The following LEKR1 variants were observed in gnomAD, a reference collection of about 807,000 sequenced individuals.
LEKR1 encodes the protein protein LEKR1.
A neutral mutation model predicts 72.4 loss-of-function variants in LEKR1; 59 were observed. The observed-to-expected ratio is 0.82, with a 90% CI of 0.66 to 1.01. LEKR1 has a LOEUF of 1.01. Ranked by LOEUF, LEKR1 falls within the 50% of genes least tolerant of loss-of-function variation. LEKR1 has a pLI of 0.00. For missense variants in LEKR1, 728 were observed against 759.2 expected, an observed-to-expected ratio of 0.96 and a Z score of 0.48; for synonymous variants, 257 against 263.2, an observed-to-expected ratio of 0.98 and a Z score of 0.23.
chr3:156,842,517 G>A (rs1714068280), intron 2 of LEKR1, among the ~76,000 whole-genome samples: 1 of 151,996 alleles, frequency 6.6e-6, no homozygotes, highest in African/African-American at 2.4e-5. Flanking sequence ...ATTTCTTTGT[G>A]TATTTTTGCT....
chr3:157,001,656 G>A (rs1576978135), intron 9 of LEKR1, among the ~76,000 whole-genome samples: 1 of 152,294 alleles, frequency 6.6e-6, no homozygotes, highest in Non-Finnish European at 1.5e-5. Context: ...TGAAATTGCA[G>A]GGTAGAATGT....
chr3:157,030,876 G>A (rs964062630), intron 12 of LEKR1, among the ~76,000 whole-genome samples: 1 of 152,180 alleles, frequency 6.6e-6, no homozygotes, highest in Non-Finnish European at 1.5e-5. Flanking sequence ...CCATAGAACA[G>A]CTCAGTGTGT....
chr3:156,944,796 AT>A (rs563373418), intron 6 of LEKR1, among the ~76,000 whole-genome samples: 21 of 151,514 alleles, frequency 1.4e-4, no homozygotes, highest in Admixed American at 1.2e-3. Context: ...TATTTACCCC[AT>A]TTTCTTTATG....
chr3:156,837,484 G>A (rs759799318), intron 2 of LEKR1, among the ~76,000 whole-genome samples: 6 of 152,278 alleles, frequency 3.9e-5, no homozygotes, highest in East Asian at 1.9e-4. Flanking sequence ...AGGAAATCTC[G>A]TCCAGTTTTT....
At chr3:156,910,420 TC>T (rs1300332027) in intron 3 of LEKR1, among the ~76,000 whole-genome samples, 1 of 152,192 alleles carries the variant, frequency 6.6e-6, no homozygotes. Flanking sequence ...GATAATGGTT[TC>T]CATAACAATA....
chr3:156,959,059 C>T (rs756832005), intron 6 of LEKR1, among the ~76,000 whole-genome samples: 50 of 152,048 alleles, frequency 3.3e-4, no homozygotes, highest in Non-Finnish European at 3.7e-4. Flanking sequence ...TGATAAGCAC[C>T]ATTCATAGCT....
At chr3:156,997,146 G>A (rs1259486956) in intron 9 of LEKR1, among the ~76,000 whole-genome samples, 3 of 151,690 alleles carry the variant, frequency 2.0e-5, no homozygotes, top group Admixed American at 1.3e-4. Flanking sequence ...GTCTTGAAAC[G>A]GTGGTCTTTT....
intron 3 of LEKR1, among the ~76,000 whole-genome samples, chr3:156,896,754 C>T (rs944072136): frequency 2.2e-4 from 33 of 152,082 alleles, no homozygotes; most frequent in African/African-American, 7.2e-4. Context: ...TGCATATGTC[C>T]ATTGCAGCAC....
At chr3:157,030,025 G>A (rs1012149395) in intron 12 of LEKR1, among the ~76,000 whole-genome samples, 2 of 152,146 alleles carry the variant, frequency 1.3e-5, no homozygotes, top group African/African-American at 2.4e-5. Flanking sequence ...AAAGAAAAGA[G>A]GTTTAGTTGG....
At chr3:157,007,942 G>T (rs573342812) in intron 9 of LEKR1, among the ~76,000 whole-genome samples, 1 of 152,326 alleles carries the variant, frequency 6.6e-6, no homozygotes, top group Non-Finnish European at 1.5e-5. Flanking sequence ...AAATTTAAGA[G>T]TTGTCAGCAG....
chr3:156,938,156 C>T (rs1011131507), intron 5 of LEKR1, among the ~76,000 whole-genome samples: 1 of 152,100 alleles, frequency 6.6e-6, no homozygotes, highest in Non-Finnish European at 1.5e-5. Flanking sequence ...CACACACACA[C>T]ACACACATGA....
intron 11 of LEKR1, 147 bp from the exon 12 acceptor site, chr3:157,027,956 A>G: frequency 2.1e-6 from 1 of 484,546 alleles, no homozygotes; most frequent in East Asian, 3.3e-5. Flanking sequence ...TAAAAAGAAA[A>G]TCTTGAAGGC....
intron 3 of LEKR1, among the ~76,000 whole-genome samples, chr3:156,899,757 CAT>C (rs1171035122): frequency 7.0e-5 from 9 of 128,796 alleles, no homozygotes; most frequent in Non-Finnish European, 1.0e-4. Context: ...CATATATACA[CAT>C]ATACATGCAT....
chr3:157,008,689 G>A lies in LEKR1; in HGVS notation c.1110-2724G>A, dbSNP rs116588078. Among the ~76,000 whole-genome samples, 663 of 152,266 alleles carry A rather than the reference G, an allele frequency of 4.4e-3. 2 individuals carry two copies. The highest frequency in any genetic ancestry group is 0.015 in the African/African-American group (637 of 41,554). On this transcript the variant is annotated intron_variant, in intron 9 of 12. Transcript: ENST00000356539. ...CCTACAGATAACTTCTATTGTGTCC[G>A]TGTTTCTCTCTATAATTTTACCAAG...
At chr3:156,947,956 C>T (rs1187497537) in intron 6 of LEKR1, among the ~76,000 whole-genome samples, 1 of 151,106 alleles carries the variant, frequency 6.6e-6, no homozygotes, top group South Asian at 2.1e-4. Flanking sequence ...AAGTTTTTCT[C>T]TCTCTACTCA....
intron 10 of LEKR1, among the ~76,000 whole-genome samples, chr3:157,017,871 C>G (rs996200382): frequency 7.4e-5 from 11 of 148,556 alleles, no homozygotes; most frequent in Non-Finnish European, 1.3e-4. Flanking sequence ...ATAGCGTGAA[C>G]CCAGGAGGCG....
intron 7 of LEKR1, among the ~76,000 whole-genome samples, chr3:156,980,568 GA>G (rs34222097): frequency 0.48 from 72,253 of 149,796 alleles, 18,379 homozygotes; most frequent in African/African-American, 0.66. Context: ...ATGGTTGCTA[GA>G]AAAAAAAAAA....
intron 3 of LEKR1, among the ~76,000 whole-genome samples, chr3:156,897,502 G>T (rs1295247563): frequency 6.6e-6 from 1 of 151,956 alleles, no homozygotes; most frequent in East Asian, 1.9e-4. Flanking sequence ...AAATACACTG[G>T]GTTGGTCCAG....
chr3:157,029,351 T>G (rs1468294720), intron 12 of LEKR1, among the ~76,000 whole-genome samples: 1 of 152,068 alleles, frequency 6.6e-6, no homozygotes, highest in Non-Finnish European at 1.5e-5. Context: ...GAATAATGCC[T>G]AAAACAACTC....
Sources: gnomAD v4.1 joint callset for allele counts (sites outside exome capture counted in the v4.1 genomes callset) on GRCh38, gnomAD v4.1.1 for gene constraint, MANE v1.5 for transcripts, NCBI Gene and HGNC (gene_info 2026-07-23, HGNC 2026-07-21) for gene names.